The following IL2RB variants were observed in gnomAD, a reference collection of about 807,000 sequenced individuals.
IL2RB encodes the protein interleukin 2 receptor subunit beta, also known as interleukin-2 receptor subunit beta.
A neutral mutation model predicts 44.2 loss-of-function variants in IL2RB; 17 were observed. The observed-to-expected ratio is 0.38, with a 90% CI of 0.26 to 0.58. The LOEUF is 0.58. Among genes scored for constraint, IL2RB ranks in the 20% least tolerant of loss-of-function variants. The probability of loss-of-function intolerance (pLI) is 0.63; values close to 1 mark genes in which losing one functional copy is unlikely to be tolerated. For synonymous variants in IL2RB, 286 were observed against 297.9 expected (o/e 0.96, Z 0.41); for missense variants, 624 against 685.5 (o/e 0.91, Z 1.00).
intron 1 of IL2RB, among the ~76,000 whole-genome samples, chr22:37,159,400 G>A (rs1231969951): frequency 6.6e-6 from 1 of 152,120 alleles, no homozygotes; most frequent in East Asian, 1.9e-4. Context: ...CCCTCCGTCA[G>A]GCCTGGCACC....
At chr22:37,161,710 G>A (rs1922882112) in intron 1 of IL2RB, 1 of 151,830 alleles carries the variant, frequency 6.6e-6, no homozygotes, top group African/African-American at 2.4e-5. Context: ...TGCTGACTGG[G>A]AGGGCATGTG....
chr22:37,159,007 G>C (rs547694636), intron 1 of IL2RB, among the ~76,000 whole-genome samples: 241 of 152,358 alleles, frequency 1.6e-3, no homozygotes, highest in African/African-American at 5.6e-3. Flanking sequence ...GTCCTGTGAT[G>C]GGGACAGTCA....
intron 1 of IL2RB, among the ~76,000 whole-genome samples, chr22:37,159,612 A>G (rs1290256335): frequency 3.9e-5 from 6 of 152,186 alleles, no homozygotes; most frequent in Admixed American, 3.9e-4. Flanking sequence ...GTGTTCCATT[A>G]CCACTTCAAG....
intron 5 of IL2RB, among the ~76,000 whole-genome samples, chr22:37,138,081 G>C (rs148746744): frequency 3.9e-4 from 60 of 152,336 alleles, no homozygotes; most frequent in African/African-American, 1.3e-3. Context: ...GTTGTCTGCT[G>C]TGTCCTTGGC....
intron 4 of IL2RB, among the ~76,000 whole-genome samples, chr22:37,140,145 G>A (rs2146240263): frequency 6.6e-6 from 1 of 152,254 alleles, no homozygotes; most frequent in South Asian, 2.1e-4. Flanking sequence ...CCTCTGGTCT[G>A]CATAAGACCC....
upstream of IL2RB, among the ~76,000 whole-genome samples, chr22:37,153,239 A>T (rs986450970): frequency 1.3e-5 from 2 of 151,900 alleles, no homozygotes; most frequent in African/African-American, 4.8e-5. Context: ...CCAGCCTGCC[A>T]CCTCTTCTGA....
rs1921161769 is a variant in IL2RB, at chr22:37,127,251, TC to T, written c.*844del. ...CATTAAAGATACAGCAGCCAAGCACTCTGAGGCCTCAGAGATCCCAAAGGAA... is the reference window on the plus strand; with the variant it reads ...CATTAAAGATACAGCAGCCAAGCACTTGAGGCCTCAGAGATCCCAAAGGAA... On this transcript the variant is annotated 3_prime_UTR_variant, in exon 10 of 10. Transcript: ENST00000216223. The T allele has an allele frequency of 6.6e-6, 1 of 152,200 alleles. No homozygotes were observed. The highest frequency in any genetic ancestry group is 1.5e-5 in the Non-Finnish European group (1 of 68,052). The allele number at this position is 152,200 out of a possible 1,614,324, so 9.4% of individuals were successfully genotyped here. A position where few individuals can be genotyped will look rare whatever the true frequency, so the allele number is the denominator to read the frequency against.
chr22:37,136,200 C>G, intron 7 of IL2RB, 28 bp downstream of exon 7: 1 of 1,593,004 alleles, frequency 6.3e-7, no homozygotes, highest in Non-Finnish European at 8.5e-7. Context: ...TGCCTGAGCC[C>G]CCTCTCACCC....
At chr22:37,170,049 TGGG>T (rs1419016316) in intron 1 of IL2RB, among the ~76,000 whole-genome samples, 106 of 43,912 alleles carry the variant, frequency 2.4e-3, no homozygotes, top group African/African-American at 7.1e-3. Flanking sequence ...GAAGGAATGA[TGGG>T]GGAGAAGGAA....
chr22:37,157,878 GAGAA>G (rs1170169696), intron 1 of IL2RB, among the ~76,000 whole-genome samples: 1 of 152,212 alleles, frequency 6.6e-6, no homozygotes, highest in Admixed American at 6.5e-5. Context: ...AAAAGGAAAA[GAGAA>G]AGAATCAAAA....
At chr22:37,144,722 C>G (rs6000578) in intron 1 of IL2RB, among the ~76,000 whole-genome samples, 1 of 152,108 alleles carries the variant, frequency 6.6e-6, no homozygotes, top group African/African-American at 2.4e-5. Context: ...CCAGCCTGGA[C>G]GACAGAGTAA....
intron 1 of IL2RB, among the ~76,000 whole-genome samples, chr22:37,156,384 G>A (rs1373835796): frequency 6.6e-6 from 1 of 152,262 alleles, no homozygotes; most frequent in Non-Finnish European, 1.5e-5. Context: ...CCTAAAATAA[G>A]AGAGGGCTTT....
chr22:37,173,447 T>C (rs534343926), intron 1 of IL2RB, among the ~76,000 whole-genome samples: 1 of 152,352 alleles, frequency 6.6e-6, no homozygotes, highest in South Asian at 2.1e-4. Context: ...AAATGACACA[T>C]GAAGGAAGGA....
intron 1 of IL2RB, among the ~76,000 whole-genome samples, chr22:37,146,702 GC>G (rs1256356221): frequency 1.3e-5 from 2 of 152,194 alleles, no homozygotes; most frequent in African/African-American, 4.8e-5. Flanking sequence ...TTGACCAGGG[GC>G]TGGCCCACCA....
intron 1 of IL2RB, among the ~76,000 whole-genome samples, chr22:37,174,604 T>A (rs148266785): frequency 1.3e-5 from 2 of 152,360 alleles, no homozygotes; most frequent in East Asian, 3.9e-4. Context: ...TCCCCACACC[T>A]TAGATCACCC....
intron 1 of IL2RB, among the ~76,000 whole-genome samples, chr22:37,162,169 C>T (rs1922902997): frequency 6.6e-6 from 1 of 152,186 alleles, no homozygotes; most frequent in Non-Finnish European, 1.5e-5. Context: ...TGACTGACCA[C>T]GTTGGGTGAT....
In IL2RB at chr22:37,139,168, C is replaced by T. The variant is rs1921845370; in HGVS notation, c.337G>A (p.Gly113Arg). 1.2e-6 allele frequency: 2 copies of T among 1,613,946 alleles called. No individual in the cohort carries two copies. The highest frequency in any genetic ancestry group is 1.3e-5 in the African/African-American group (1 of 74,904). The change falls in exon 5 of 10, where the codon GGG becomes AGG. Residue 113 changes from glycine (G) to arginine (R), a missense_variant. Physicochemically the swap from Gly to Arg is moderately radical, Grantham distance 125 (BLOSUM62 -2). Around this residue, in one of 3 missense-constraint regions of IL2RB, gnomAD observed 255 missense variants for 339.9 expected, o/e 0.75. Coordinates refer to ENST00000216223, the MANE Select transcript of IL2RB (RefSeq NM_000878.5). ...ATGGCCATCACCCTCCATCGCACCC[C>T]CTCACGGCACAGCACCCTCAGGGTG... is the stretch of plus-strand genomic sequence containing the variant. ...IVTLRVLCRE[G>R]VRWRVMAIQD...
At chr22:37,161,962 C>T (rs1464934411) in intron 1 of IL2RB, 2 of 152,114 alleles carry the variant, frequency 1.3e-5, no homozygotes, top group Non-Finnish European at 2.9e-5. Context: ...CTCCAAGCTT[C>T]TCCAAGCCTG....
At chr22:37,174,289 C>T (rs1923381648) in intron 1 of IL2RB, among the ~76,000 whole-genome samples, 1 of 152,154 alleles carries the variant, frequency 6.6e-6, no homozygotes. Context: ...GAAAGCCTTG[C>T]CACTGAATGC....
Sources: gnomAD v4.1 joint callset for allele counts (sites outside exome capture counted in the v4.1 genomes callset) on GRCh38, gnomAD v4.1.1 for gene constraint, gnomAD v4.1.1 regional missense constraint, MANE v1.5 for transcripts, NCBI Gene and HGNC (gene_info 2026-07-23, HGNC 2026-07-21) for gene names.